The following GPC5 variants were observed in gnomAD, a reference collection of about 807,000 sequenced individuals.
The protein encoded by GPC5 is glypican-5.
GPC5 carries 47 observed loss-of-function variants against 53.9 expected under a neutral mutation model. The ratio of observed to expected loss-of-function variants is 0.87; its 90% CI spans 0.69 to 1.11. The LOEUF (loss-of-function observed/expected upper bound fraction) is 1.11. Among genes scored for constraint, GPC5 ranks in the 50% most tolerant of loss-of-function variants. The pLI, the probability that GPC5 is intolerant of heterozygous loss-of-function variation, is 0.00. For synonymous variants in GPC5, 286 were observed against 263.3 expected (o/e 1.09, Z -0.84); for missense variants, 748 against 713.1 (o/e 1.05, Z -0.56).
intron 7 of GPC5, among the ~76,000 whole-genome samples, chr13:92,500,267 G>T (rs1880133233): frequency 6.6e-6 from 1 of 152,110 alleles, no homozygotes; most frequent in African/African-American, 2.4e-5. Context: ...TGTCAGTCTG[G>T]CTGAGAATCC....
intron 6 of GPC5, among the ~76,000 whole-genome samples, chr13:92,020,274 A>C (rs1369847074): frequency 1.3e-5 from 2 of 152,046 alleles, no homozygotes; most frequent in African/African-American, 4.8e-5. Context: ...TTCCATCTGC[A>C]ACTTTTATCC....
At chr13:92,353,191 C>T (rs2139270599) in intron 7 of GPC5, among the ~76,000 whole-genome samples, 1 of 143,660 alleles carries the variant, frequency 7.0e-6, no homozygotes, top group East Asian at 2.1e-4. Flanking sequence ...ACCCGGGAAG[C>T]GGAGCTTGCA....
intron 7 of GPC5, among the ~76,000 whole-genome samples, chr13:92,281,473 G>A (rs773830763): frequency 6.6e-6 from 1 of 152,220 alleles, no homozygotes; most frequent in Non-Finnish European, 1.5e-5. Flanking sequence ...TGACCACCGA[G>A]TAGCCTAACT....
In GPC5 at chr13:91,610,371, G is replaced by A. The variant is rs569245920; in HGVS notation, c.326-82816G>A. 2.2e-3 allele frequency among the ~76,000 whole-genome samples: 336 copies of A among 151,944 alleles called. 1 individual carries two copies. Among genetic ancestry groups the A allele is most frequent in the Non-Finnish European group, 3.6e-3 (247 of 67,962 alleles). Reference sequence around the variant, plus strand: ...CTCTGAATATACTATTTTTATTACCGTACATTTTTCTTCCGTAGCTCATTT... The same window carrying A: ...CTCTGAATATACTATTTTTATTACCATACATTTTTCTTCCGTAGCTCATTT... On this transcript the variant is annotated intron_variant, in intron 2 of 7. Coordinates refer to ENST00000377067, the MANE Select transcript of GPC5 (RefSeq NM_004466.6).
At chr13:91,438,068 AT>A (rs1172363343) in intron 1 of GPC5, among the ~76,000 whole-genome samples, 2 of 151,680 alleles carry the variant, frequency 1.3e-5, no homozygotes, top group East Asian at 1.9e-4. Context: ...CATTCGTCTA[AT>A]TTTTTTTCAA....
chr13:92,122,415 T>C (rs1426677136), intron 6 of GPC5, among the ~76,000 whole-genome samples: 1 of 151,932 alleles, frequency 6.6e-6, no homozygotes, highest in East Asian at 1.9e-4. Flanking sequence ...CAGCGAGGTG[T>C]GAACACGTAG....
intron 7 of GPC5, among the ~76,000 whole-genome samples, chr13:92,677,478 A>G (rs902320489): frequency 1.3e-5 from 2 of 152,210 alleles, no homozygotes; most frequent in African/African-American, 4.8e-5. Context: ...AACAATGTCA[A>G]TGAAAAGTAA....
intron 2 of GPC5, among the ~76,000 whole-genome samples, chr13:91,657,610 G>C (rs970799661): frequency 5.3e-5 from 8 of 152,124 alleles, no homozygotes; most frequent in Non-Finnish European, 2.9e-5. Context: ...ATTAGGAAAA[G>C]AGAAGTAGGA....
chr13:91,542,005 A>G (rs1487738571), intron 2 of GPC5, among the ~76,000 whole-genome samples: 12 of 82,922 alleles, frequency 1.4e-4, no homozygotes, highest in African/African-American at 4.4e-4. Context: ...ATTTTTTCCC[A>G]TTTGAGCTCT....
At chr13:92,515,931 G>T (rs905707515) in intron 7 of GPC5, among the ~76,000 whole-genome samples, 1 of 152,078 alleles carries the variant, frequency 6.6e-6, no homozygotes, top group African/African-American at 2.4e-5. Flanking sequence ...TTCTTTTCAT[G>T]AATATAAAAA....
intron 6 of GPC5, among the ~76,000 whole-genome samples, chr13:92,009,744 A>C (rs1287043897): frequency 6.6e-6 from 1 of 152,162 alleles, no homozygotes; most frequent in Non-Finnish European, 1.5e-5. Flanking sequence ...ATGTCACTTG[A>C]AAACCCCATT....
intron 6 of GPC5, among the ~76,000 whole-genome samples, chr13:91,969,998 C>T (rs1472198038): frequency 1.3e-5 from 2 of 152,000 alleles, no homozygotes; most frequent in Non-Finnish European, 2.9e-5. Flanking sequence ...TCCCAATAGT[C>T]AAGATGAGGA....
intron 7 of GPC5, among the ~76,000 whole-genome samples, chr13:92,200,500 C>A (rs2042286677): frequency 6.6e-6 from 1 of 152,160 alleles, no homozygotes; most frequent in South Asian, 2.1e-4. Flanking sequence ...TATACAAGGC[C>A]TCAATAAGAG....
intron 7 of GPC5, among the ~76,000 whole-genome samples, chr13:92,421,745 G>A (rs576008225): frequency 6.7e-6 from 1 of 150,144 alleles, no homozygotes; most frequent in African/African-American, 2.5e-5. Context: ...CGGTTCTGCA[G>A]GAAGCATGGC....
chr13:91,442,970 T>C (rs968653149), intron 1 of GPC5, among the ~76,000 whole-genome samples: 1 of 152,242 alleles, frequency 6.6e-6, no homozygotes, highest in Non-Finnish European at 1.5e-5. Flanking sequence ...TCTTTCTTTT[T>C]ATTTACTATT....
At chr13:92,375,329 T>C (rs2043685555) in intron 7 of GPC5, among the ~76,000 whole-genome samples, 1 of 152,200 alleles carries the variant, frequency 6.6e-6, no homozygotes, top group African/African-American at 2.4e-5. Context: ...GGCGACTTCC[T>C]TGGTGTGTGT....
At chr13:92,049,649 T>A (rs764030413) in intron 6 of GPC5, among the ~76,000 whole-genome samples, 2 of 152,184 alleles carry the variant, frequency 1.3e-5, no homozygotes, top group Non-Finnish European at 2.9e-5. Context: ...ATTAGTATTA[T>A]GCAAATTAAT....
chr13:92,298,543 A>G (rs2043054251), intron 7 of GPC5, among the ~76,000 whole-genome samples: 2 of 152,114 alleles, frequency 1.3e-5, no homozygotes, highest in South Asian at 2.1e-4. Context: ...TCTCTAAATT[A>G]ACTCAGCTCG....
At chr13:92,009,987 A>G (rs1252148596) in intron 6 of GPC5, among the ~76,000 whole-genome samples, 4 of 152,212 alleles carry the variant, frequency 2.6e-5, no homozygotes, top group Non-Finnish European at 5.9e-5. Flanking sequence ...TTTTGTAAAC[A>G]TAGAGTACTT....
Sources: gnomAD v4.1 joint callset for allele counts (sites outside exome capture counted in the v4.1 genomes callset) on GRCh38, gnomAD v4.1.1 for gene constraint, MANE v1.5 for transcripts, NCBI Gene and HGNC (gene_info 2026-07-23, HGNC 2026-07-21) for gene names.